Variants in TRAPPC9 observed in about 807,000 individuals in gnomAD.
TRAPPC9 encodes the protein trafficking protein particle complex subunit 9, also known as IKK2 binding protein.
A neutral mutation model predicts 124.0 loss-of-function variants in TRAPPC9; 83 were observed. That is an observed-to-expected ratio of 0.67 (90% CI 0.56 to 0.80). The LOEUF (loss-of-function observed/expected upper bound fraction) is 0.80. Among genes scored for constraint, TRAPPC9 ranks in the 30% least tolerant of loss-of-function variants. TRAPPC9 has a pLI of 0.00. For missense variants in TRAPPC9, 1,302 were observed against 1,508.3 expected (o/e 0.86, Z 2.27); for synonymous variants, 638 against 617.5 (o/e 1.03, Z -0.49).
intron 17 of TRAPPC9, among the ~76,000 whole-genome samples, chr8:140,069,204 T>C (rs1843016769): frequency 6.6e-6 from 1 of 152,200 alleles, no homozygotes; most frequent in Admixed American, 6.5e-5. Flanking sequence ...ACATATTCAA[T>C]TGAATGTTGC....
Position 139,742,849 on chromosome 8 carries a change from G to A in TRAPPC9, c.3056-10647C>T, listed in dbSNP as rs982863574. 6.6e-6 allele frequency among the ~76,000 whole-genome samples: 1 copy of A among 152,204 alleles called. No homozygotes were observed. Among genetic ancestry groups the A allele is most frequent in the East Asian group, 1.9e-4 (1 of 5,200 alleles). On this transcript the variant is annotated intron_variant, in intron 21 of 22. Transcript: ENST00000438773. This position sits in a 1 kb window ranked among gnomAD's most constrained non-coding sequence, Gnocchi z 4.7. ...GAACAGCCGCCACCTGTGGGCTCAG[G>A]TTCAGTGTACAGCAGAGATTTCAAA...
chr8:140,220,087 G>A (rs745431299), intron 17 of TRAPPC9, among the ~76,000 whole-genome samples: 5 of 152,112 alleles, frequency 3.3e-5, no homozygotes, highest in African/African-American at 9.7e-5. Context: ...AAGCAGAGAC[G>A]TCACACACTG....
chr8:139,834,475 C>T (rs1483317664), intron 21 of TRAPPC9, among the ~76,000 whole-genome samples: 9 of 152,200 alleles, frequency 5.9e-5, no homozygotes, highest in South Asian at 2.1e-4. Context: ...GGAAGGGGGG[C>T]GGGCACAGCT....
At chr8:140,354,806 C>A (rs1563969052) in intron 9 of TRAPPC9, among the ~76,000 whole-genome samples, 1 of 152,188 alleles carries the variant, frequency 6.6e-6, no homozygotes, top group African/African-American at 2.4e-5. Flanking sequence ...CCACCTAGCC[C>A]TGCACAACCC....
At chr8:140,115,355 C>T (rs1386040753) in intron 17 of TRAPPC9, among the ~76,000 whole-genome samples, 1 of 151,790 alleles carries the variant, frequency 6.6e-6, no homozygotes. Context: ...GCAACCTCTG[C>T]CTCCCAGGTT....
intron 10 of TRAPPC9, among the ~76,000 whole-genome samples, chr8:140,303,650 C>G (rs2066044021): frequency 6.6e-6 from 1 of 152,184 alleles, no homozygotes; most frequent in South Asian, 2.1e-4. Flanking sequence ...CTTAGGCACT[C>G]AACAAATATT....
chr8:140,294,644 T>C (rs2065755488), intron 11 of TRAPPC9, among the ~76,000 whole-genome samples: 1 of 152,120 alleles, frequency 6.6e-6, no homozygotes, highest in Admixed American at 6.5e-5. Context: ...AGTATCACTC[T>C]GTACCCAGGT....
At position 140,104,513 on chromosome 8, in the gene TRAPPC9, C is replaced by A. The variant is rs1011815381; in HGVS notation, c.2557-80434G>T. Among the ~76,000 whole-genome samples the A allele has an allele frequency of 1.3e-5, 2 of 152,030 alleles. No individual in the cohort carries two copies. Among genetic ancestry groups the A allele is most frequent in the Non-Finnish European group, 2.9e-5 (2 of 68,018 alleles). On this transcript the variant is annotated intron_variant, in intron 17 of 22. Transcript: ENST00000438773. The surrounding 1 kb of genome is among the most constrained non-coding windows in gnomAD (Gnocchi z 4.0). ...ATAATATGCAAGTAGTATGATGGCA[C>A]GATGGGGGGAGCTGTGAACTAGCTA...
At chr8:140,260,232 CCCCA>C (rs2131548475) in intron 15 of TRAPPC9, among the ~76,000 whole-genome samples, 1 of 152,244 alleles carries the variant, frequency 6.6e-6, no homozygotes, top group South Asian at 2.1e-4. Context: ...TAGAGAGAAG[CCCCA>C]CGGATCTGGC....
intron 17 of TRAPPC9, among the ~76,000 whole-genome samples, chr8:140,149,133 C>T (rs991482963): frequency 1.3e-5 from 2 of 151,956 alleles, no homozygotes; most frequent in African/African-American, 2.4e-5. Flanking sequence ...GACAAGCATC[C>T]GCGTGCCCCT....
At chr8:139,771,373 C>T (rs747740173) in intron 21 of TRAPPC9, among the ~76,000 whole-genome samples, 1 of 152,142 alleles carries the variant, frequency 6.6e-6, no homozygotes, top group Non-Finnish European at 1.5e-5. Flanking sequence ...TGAAGCCCTG[C>T]CCAGGACGCC....
At chr8:140,337,781 A>C (rs2067084012) in intron 9 of TRAPPC9, among the ~76,000 whole-genome samples, 1 of 152,166 alleles carries the variant, frequency 6.6e-6, no homozygotes, top group Non-Finnish European at 1.5e-5. Flanking sequence ...GAGGGCAGTT[A>C]ATAATAACTG....
intron 21 of TRAPPC9, among the ~76,000 whole-genome samples, chr8:139,820,726 A>G (rs1008840102): frequency 2.0e-5 from 3 of 152,250 alleles, no homozygotes; most frequent in Non-Finnish European, 4.4e-5. Context: ...AGAACAGATA[A>G]TTCAGAAATA....
intron 19 of TRAPPC9, chr8:139,933,786 T>C (rs777661175): frequency 6.6e-6 from 1 of 152,250 alleles, no homozygotes; most frequent in Non-Finnish European, 1.5e-5. Flanking sequence ...AAGTCCATGA[T>C]CAGTTCTGGA....
chr8:140,058,889 G>A (rs754762479), intron 17 of TRAPPC9, among the ~76,000 whole-genome samples: 3 of 152,142 alleles, frequency 2.0e-5, no homozygotes, highest in Non-Finnish European at 2.9e-5. Flanking sequence ...GGGCCTTTGC[G>A]GCAGTGGGTT....
chr8:139,809,434 C>T (rs574024291), intron 21 of TRAPPC9, among the ~76,000 whole-genome samples: 1 of 152,316 alleles, frequency 6.6e-6, no homozygotes, highest in East Asian at 1.9e-4. Context: ...CGGGCAACTT[C>T]CTGCGCCAGA....
chr8:140,347,106 G>A (rs1171521465), intron 9 of TRAPPC9, among the ~76,000 whole-genome samples: 2 of 152,244 alleles, frequency 1.3e-5, no homozygotes, highest in East Asian at 1.9e-4. Flanking sequence ...TAGCACGGCC[G>A]CAAAGGGCAC....
At chr8:140,445,031 T>C (rs1299929356) in intron 2 of TRAPPC9, among the ~76,000 whole-genome samples, 2 of 152,134 alleles carry the variant, frequency 1.3e-5, no homozygotes, top group African/African-American at 4.8e-5. Flanking sequence ...CCAACAACCA[T>C]GTGTCTCTCT....
rs191120925 is a variant in TRAPPC9 at position 140,326,263 on chromosome 8, C to T, written c.1496-14889G>A. On this transcript the variant is annotated intron_variant, in intron 9 of 22. Transcript: ENST00000438773. ...AAGAAGAAGAAGTTGGGGGTTACTG[C>T]AGGGAAGGCACCTAAAGACCTGTGC... is the stretch of plus-strand genomic sequence containing the variant. Among the ~76,000 whole-genome samples, 123 of 151,670 alleles carry T rather than the reference C, an allele frequency of 8.1e-4. 1 individual carries two copies. Among genetic ancestry groups the T allele is most frequent in the East Asian group, 4.3e-3 (22 of 5,164 alleles).
Sources: allele counts gnomAD v4.1 joint callset (sites outside exome capture counted in the v4.1 genomes callset), GRCh38; gene constraint gnomAD v4.1.1; non-coding constraint Gnocchi (gnomAD v3.1); transcripts MANE v1.5; gene names NCBI Gene and HGNC (gene_info 2026-07-23, HGNC 2026-07-21).